LAMA2: variants seen among roughly 807,000 people sequenced by gnomAD.
The protein encoded by LAMA2 is laminin subunit alpha 2.
LAMA2 carries 269 observed loss-of-function variants against 364.8 expected under a neutral mutation model. That is an observed-to-expected ratio of 0.74 (90% confidence interval 0.67 to 0.82). The LOEUF (loss-of-function observed/expected upper bound fraction) is 0.82. LAMA2 is among the 40% of genes least tolerant of loss of function. LAMA2 has a pLI of 0.00. For missense variants in LAMA2, 3,807 were observed against 3,873.2 expected (o/e 0.98, Z 0.45); for synonymous variants, 1,379 against 1,370.6 (o/e 1.01, Z -0.14).
At chr6:128,933,118 A>C (rs1779582780) in intron 1 of LAMA2, among the ~76,000 whole-genome samples, 1 of 152,110 alleles carries the variant, frequency 6.6e-6, no homozygotes, top group Non-Finnish European at 1.5e-5. Context: ...TGTGTGGCTT[A>C]TCTCACCTAG....
intron 29 of LAMA2, among the ~76,000 whole-genome samples, chr6:129,335,625 T>A (rs953516129): frequency 5.3e-5 from 8 of 152,154 alleles, no homozygotes; most frequent in African/African-American, 1.9e-4. Flanking sequence ...CCTGAAACAT[T>A]TAACCAATTA....
rs548111144 is a variant in LAMA2 at position 129,374,361 on chromosome 6, A to AG, written c.4959+4373dup. Among the ~76,000 whole-genome samples the AG allele has an allele frequency of 3.9e-3, 595 of 152,318 alleles. 1 individual carries two copies. Among genetic ancestry groups the AG allele is most frequent in the Middle Eastern group, 0.01 (3 of 294 alleles). The stretch of plus-strand genomic sequence containing the variant: ...TTCCAATTACCCATGACTACATTAG[A>AG]GGAGACAGTGCTCTAGACTAGGACT... On this transcript the variant is annotated intron_variant, in intron 34 of 64. Coordinates refer to ENST00000421865, the MANE Select transcript of LAMA2 (RefSeq NM_000426.4).
Position 129,126,872 on chromosome 6 carries a change from A to G in LAMA2, c.640-17029A>G, listed in dbSNP as rs544611265. Among the ~76,000 whole-genome samples the G allele has an allele frequency of 4.9e-4, 75 of 152,204 alleles. 2 individuals carry two copies. The highest frequency in any genetic ancestry group is 6.8e-3 in the Middle Eastern group (2 of 292). On this transcript the variant is annotated intron_variant, in intron 4 of 64. Transcript: ENST00000421865. ...GATTGCTTGAGCTCAGGAGTTTGAG[A>G]CCAGAATGGGCAACATGGTGAAACG... is the stretch of plus-strand genomic sequence containing the variant.
In LAMA2 at chr6:129,419,297, C is replaced by T. The variant is rs186385763; in HGVS notation, c.5866-8455C>T. ...AAGACAATAATGCTCTTGGTGCCAT[C>T]CTACCTGCTCTTTATGATTTCTACC... On this transcript the variant is annotated intron_variant, in intron 40 of 64. Transcript: ENST00000421865. Among the ~76,000 whole-genome samples the T allele has an allele frequency of 2.0e-4, 31 of 152,220 alleles. No individual in the cohort carries two copies. In the East Asian group the frequency reaches 2.5e-3, roughly 12 times the overall value.
intron 12 of LAMA2, among the ~76,000 whole-genome samples, chr6:129,217,180 T>A (rs1783480089): frequency 9.4e-6 from 1 of 106,612 alleles, no homozygotes; most frequent in African/African-American, 2.8e-5. Flanking sequence ...AGAGCGAGAC[T>A]CCATCTCAAA....
chr6:129,316,119 A>G lies in LAMA2; in HGVS notation c.4006A>G (p.Ile1336Val), dbSNP rs1583477947. 6.2e-7 allele frequency: 1 copy of G among 1,608,054 alleles called. No individual in the cohort carries two copies. The highest frequency in any genetic ancestry group is 8.5e-7 in the Non-Finnish European group (1 of 1,174,830). Residue 1336 changes from isoleucine to valine, a missense_variant, in exon 27 of 65, where the codon ATT (isoleucine) becomes GTT (valine). Ile to Val is a conservative substitution (Grantham distance 29, BLOSUM62 3). Transcript: ENST00000421865. Reference protein sequence around the residue: ...REDFLDILYDIHYILIKATYG... With the variant: ...REDFLDILYDVHYILIKATYG... ...AGACTTCTTGGATATACTATATGAT[A>G]TTCATTACATTCTTATCAAAGCTAC...
intron 1 of LAMA2, among the ~76,000 whole-genome samples, chr6:128,931,098 T>TC (rs1779446553): frequency 7.2e-5 from 11 of 152,228 alleles, no homozygotes; most frequent in African/African-American, 2.7e-4. Context: ...TACTTATAAG[T>TC]AAGCCAGATT....
chr6:128,945,122 C>A (rs1562857431), intron 1 of LAMA2, among the ~76,000 whole-genome samples: 1 of 152,108 alleles, frequency 6.6e-6, no homozygotes. Context: ...CAAGATATAC[C>A]AGTTGTTTTC....
At chr6:129,297,561 T>G (rs925361646) in intron 20 of LAMA2, 124 bp from the exon 21 acceptor site, 16 of 841,972 alleles carry the variant, frequency 1.9e-5, no homozygotes, top group Non-Finnish European at 7.9e-6. Flanking sequence ...TGTCATAACA[T>G]CAGTGAGGAA....
chr6:129,248,553 C>G (rs1785938651), intron 12 of LAMA2, among the ~76,000 whole-genome samples: 1 of 151,934 alleles, frequency 6.6e-6, no homozygotes, highest in South Asian at 2.1e-4. Context: ...AAGCCATATT[C>G]AAGAAAAATA....
At chr6:129,182,092 A>G (rs913242786) in intron 10 of LAMA2, among the ~76,000 whole-genome samples, 1 of 151,874 alleles carries the variant, frequency 6.6e-6, no homozygotes, top group Non-Finnish European at 1.5e-5. Context: ...TATGTCAGTG[A>G]CAAGCAAATA....
chr6:129,251,076 C>CTCTCTCTA (rs1491468271), intron 13 of LAMA2, among the ~76,000 whole-genome samples: 34 of 49,804 alleles, frequency 6.8e-4, no homozygotes, highest in African/African-American at 9.0e-4. Flanking sequence ...CTCTCTCTCT[C>CTCTCTCTA]TATATATATA....
chr6:129,035,148 TA>T (rs1450359140), intron 1 of LAMA2, among the ~76,000 whole-genome samples: 1 of 152,172 alleles, frequency 6.6e-6, no homozygotes, highest in Non-Finnish European at 1.5e-5. Context: ...CGATATCTAA[TA>T]TTTTTTGACT....
chr6:129,257,879 G>C (rs757598659), intron 14 of LAMA2, among the ~76,000 whole-genome samples: 3 of 152,036 alleles, frequency 2.0e-5, no homozygotes, highest in Non-Finnish European at 4.4e-5. Flanking sequence ...TCTGAAATGT[G>C]GCTAGTAGTC....
chr6:128,932,841 G>T (rs1338531037), intron 1 of LAMA2, among the ~76,000 whole-genome samples: 1 of 152,172 alleles, frequency 6.6e-6, no homozygotes, highest in Non-Finnish European at 1.5e-5. Context: ...GTGCGTGTTT[G>T]TTTATGCATG....
At chr6:128,946,005 T>C (rs58925003) in intron 1 of LAMA2, among the ~76,000 whole-genome samples, 19,448 of 152,042 alleles carry the variant, frequency 0.13, 1,570 homozygotes, top group African/African-American at 0.23. Context: ...AAGAAGCAAA[T>C]AATCATGTGA....
At chr6:129,216,527 A>C (rs1217581059) in intron 12 of LAMA2, among the ~76,000 whole-genome samples, 2 of 152,212 alleles carry the variant, frequency 1.3e-5, no homozygotes, top group East Asian at 3.8e-4. Flanking sequence ...GTACAAAAAC[A>C]TCTTCCTTGA....
At chr6:129,186,966 G>A (rs6902375) in intron 10 of LAMA2, among the ~76,000 whole-genome samples, 30,106 of 151,530 alleles carry the variant, frequency 0.2, 6,020 homozygotes, top group African/African-American at 0.52. Flanking sequence ...GTTGATGAAC[G>A]AATAATATAA....
chr6:129,238,830 A>C (rs1785196444), intron 12 of LAMA2, among the ~76,000 whole-genome samples: 1 of 152,210 alleles, frequency 6.6e-6, no homozygotes, highest in African/African-American at 2.4e-5. Context: ...CTAAAGTTCC[A>C]TGAAAATGTT....
Sources: gnomAD v4.1 joint callset for allele counts (sites outside exome capture counted in the v4.1 genomes callset) on GRCh38, gnomAD v4.1.1 for gene constraint, MANE v1.5 for transcripts, NCBI Gene and HGNC (gene_info 2026-07-23, HGNC 2026-07-21) for gene names.